The following RBFOX1 variants were observed in gnomAD, a reference collection of about 807,000 sequenced individuals.
RBFOX1 encodes the protein RNA binding protein fox-1 homolog 1.
In RBFOX1, 8 loss-of-function variants were observed where a neutral mutation model predicts 57.7. The ratio of observed to expected loss-of-function variants is 0.14; its 90% confidence interval spans 0.08 to 0.25. The LOEUF (loss-of-function observed/expected upper bound fraction) is 0.25. Among genes scored for constraint, RBFOX1 ranks in the 10% least tolerant of loss-of-function variants. The pLI is 1.00. For missense variants in RBFOX1, 611 were observed against 548.5 expected (o/e 1.11, Z -1.14); for synonymous variants, 326 against 222.4 (o/e 1.47, Z -4.15).
At chr16:6,574,716 C>T (rs113423126) in intron 2 of RBFOX1, among the ~76,000 whole-genome samples, 19,621 of 143,432 alleles carry the variant, frequency 0.14, 1,696 homozygotes, top group East Asian at 0.39. Flanking sequence ...GCGTGACTAC[C>T]GCGCCCGGCC....
At chr16:6,763,746 C>A (rs1041329001) in intron 3 of RBFOX1, among the ~76,000 whole-genome samples, 10 of 152,170 alleles carry the variant, frequency 6.6e-5, no homozygotes, top group African/African-American at 2.2e-4. Context: ...ATTCCAAAAC[C>A]ACTGGACGGA....
intron 3 of RBFOX1, among the ~76,000 whole-genome samples, chr16:6,723,319 C>T (rs563867745): frequency 5.4e-4 from 82 of 152,098 alleles, no homozygotes; most frequent in African/African-American, 1.8e-3. Context: ...TCAGAGTGGT[C>T]GTGAGAATTC....
chr16:6,355,827 C>T (rs369796026), intron 2 of RBFOX1, among the ~76,000 whole-genome samples: 30 of 152,274 alleles, frequency 2.0e-4, no homozygotes, highest in East Asian at 7.7e-4. Context: ...GTTCGCCCTT[C>T]GTATTCTATA....
chr16:5,488,852 G>A (rs1024520710), intron 2 of RBFOX1, among the ~76,000 whole-genome samples: 1 of 152,114 alleles, frequency 6.6e-6, no homozygotes, highest in African/African-American at 2.4e-5. Flanking sequence ...GTGTGATGGT[G>A]ATGATAATGG....
At chr16:7,360,927 C>A (rs1463875329) in intron 4 of RBFOX1, among the ~76,000 whole-genome samples, 1 of 152,180 alleles carries the variant, frequency 6.6e-6, no homozygotes, top group Non-Finnish European at 1.5e-5. Context: ...AGAGTCTCAT[C>A]CACTGCGTAT....
intron 3 of RBFOX1, among the ~76,000 whole-genome samples, chr16:6,890,829 T>C (rs1044191622): frequency 1.3e-5 from 2 of 152,160 alleles, no homozygotes; most frequent in Non-Finnish European, 1.5e-5. Context: ...ACCATTTGTG[T>C]AGGTGAAAAT....
At chr16:7,571,657 TGGGCCC>T (rs1225536557) in intron 5 of RBFOX1, among the ~76,000 whole-genome samples, 2 of 152,132 alleles carry the variant, frequency 1.3e-5, no homozygotes, top group Admixed American at 1.3e-4. Flanking sequence ...GCCTTCACAC[TGGGCCC>T]GGGTAGAAGC....
At chr16:7,184,122 G>A (rs538708430) in intron 4 of RBFOX1, among the ~76,000 whole-genome samples, 29 of 152,318 alleles carry the variant, frequency 1.9e-4, no homozygotes, top group African/African-American at 7.0e-4. Context: ...TAAAATCACT[G>A]ACAGGAAAGG....
At chr16:6,907,936 C>G (rs1485592927) in intron 3 of RBFOX1, among the ~76,000 whole-genome samples, 4 of 151,578 alleles carry the variant, frequency 2.6e-5, no homozygotes, top group African/African-American at 9.7e-5. Flanking sequence ...ACCTGAATCT[C>G]CACCTGCATG....
intron 4 of RBFOX1, among the ~76,000 whole-genome samples, chr16:5,949,043 T>C (rs1316869441): frequency 1.3e-5 from 2 of 152,176 alleles, no homozygotes; most frequent in Non-Finnish European, 2.9e-5. Context: ...ACAACTATTA[T>C]GGGGGGTGTA....
At chr16:6,427,620 G>A (rs2093966983) in intron 2 of RBFOX1, among the ~76,000 whole-genome samples, 1 of 152,164 alleles carries the variant, frequency 6.6e-6, no homozygotes, top group Non-Finnish European at 1.5e-5. Flanking sequence ...AGGACGTGGA[G>A]CTGCCAAGTA....
At chr16:7,234,590 G>T (rs2093674018) in intron 4 of RBFOX1, among the ~76,000 whole-genome samples, 1 of 132,168 alleles carries the variant, frequency 7.6e-6, no homozygotes, top group Non-Finnish European at 1.7e-5. Flanking sequence ...GTATACATAT[G>T]TGTGTGTGTG....
At chr16:5,669,713 G>A (rs975100545) in intron 3 of RBFOX1, among the ~76,000 whole-genome samples, 1 of 152,072 alleles carries the variant, frequency 6.6e-6, no homozygotes, top group African/African-American at 2.4e-5. Context: ...CCACCACGCC[G>A]GGCCCAAGAT....
At chr16:7,481,487 G>A (rs781045406) in intron 4 of RBFOX1, among the ~76,000 whole-genome samples, 5 of 152,164 alleles carry the variant, frequency 3.3e-5, no homozygotes, top group Non-Finnish European at 7.4e-5. Flanking sequence ...CTTTTGGTGA[G>A]TTAGCAAGAA....
intron 2 of RBFOX1, among the ~76,000 whole-genome samples, chr16:6,574,913 C>CT (rs1323355760): frequency 6.6e-6 from 1 of 151,492 alleles, no homozygotes; most frequent in Non-Finnish European, 1.5e-5. Flanking sequence ...TGGCGGGCGC[C>CT]TGTAGTCCCA....
chr16:5,362,138 C>G (rs62017695), intron 1 of RBFOX1, among the ~76,000 whole-genome samples: 9,460 of 152,230 alleles, frequency 0.062, 355 homozygotes, highest in East Asian at 0.12. Context: ...GTATTGTTAT[C>G]TACAGGCATA....
At chr16:7,598,266 T>C (rs7498167) in intron 9 of RBFOX1, among the ~76,000 whole-genome samples, 138,238 of 152,128 alleles carry the variant, frequency 0.91, 63,056 homozygotes, top group African/African-American at 0.94. Context: ...AGGATAAGGA[T>C]CATAAAGGGT....
chr16:6,044,819 T>C (rs2095478436), intron 1 of RBFOX1, among the ~76,000 whole-genome samples: 1 of 152,230 alleles, frequency 6.6e-6, no homozygotes, highest in Non-Finnish European at 1.5e-5. Context: ...TGGTCCATTG[T>C]CTGCAGAGCT....
intron 3 of RBFOX1, among the ~76,000 whole-genome samples, chr16:6,887,947 C>T (rs2064499567): frequency 6.6e-6 from 1 of 152,070 alleles, no homozygotes; most frequent in South Asian, 2.1e-4. Flanking sequence ...TAGGTGTGAG[C>T]CACCACGCCT....
Sources: gnomAD v4.1 joint callset for allele counts (sites outside exome capture counted in the v4.1 genomes callset) on GRCh38, gnomAD v4.1.1 for gene constraint, MANE v1.5 for transcripts, NCBI Gene and HGNC (gene_info 2026-07-23, HGNC 2026-07-21) for gene names.